The following CCDC28A variants were observed in gnomAD, a reference collection of about 807,000 sequenced individuals.
CCDC28A encodes coiled-coil domain containing 28A.
CCDC28A carries 24 observed loss-of-function variants against 22.1 expected under a neutral mutation model. The ratio of observed to expected loss-of-function variants is 1.09; its 90% CI spans 0.79 to 1.53. The LOEUF is 1.53. Ranked by LOEUF, CCDC28A falls within the 40% of genes most tolerant of loss-of-function variation. CCDC28A has a pLI of 0.00. For synonymous variants in CCDC28A, 83 were observed against 74.7 expected (o/e 1.11, Z -0.57); for missense variants, 170 against 210.7 (o/e 0.81, Z 1.20).
At chr6:138,776,446 T>C (rs1397999413) in intron 2 of CCDC28A, among the ~76,000 whole-genome samples, 168 bp downstream of exon 2, 1 of 152,152 alleles carries the variant, frequency 6.6e-6, no homozygotes, top group Admixed American at 6.5e-5. Flanking sequence ...TGTATAGATA[T>C]TAGAAAATGC....
intron 3 of CCDC28A, among the ~76,000 whole-genome samples, chr6:138,783,152 T>C (rs969770939): frequency 6.6e-6 from 1 of 152,190 alleles, no homozygotes; most frequent in African/African-American, 2.4e-5. Context: ...TATTACATAG[T>C]GTTGCTCATG....
intron 3 of CCDC28A, among the ~76,000 whole-genome samples, chr6:138,781,567 G>A (rs940512531): frequency 3.3e-5 from 5 of 152,126 alleles, no homozygotes; most frequent in Admixed American, 2.6e-4. Context: ...TTGAATTCCC[G>A]CCAAGCAGTA....
chr6:138,775,192 GC>G (rs1369693580), intron 1 of CCDC28A, among the ~76,000 whole-genome samples: 2 of 152,200 alleles, frequency 1.3e-5, no homozygotes, highest in Non-Finnish European at 2.9e-5. Flanking sequence ...GCCCGCCTTG[GC>G]CTTCCAAAGT....
At position 138,781,391 on chromosome 6, in the gene CCDC28A, T is replaced by G. The variant is rs143757899; in HGVS notation, c.322+1406T>G. On this transcript the variant is annotated intron_variant, in intron 3 of 5. Transcript: ENST00000617445. The stretch of plus-strand genomic sequence containing the variant: ...AGTCAACATCTTTTTACACAGATCT[T>G]TAGGCTGGTGCCTCTATTCTTTTGG... Among the ~76,000 whole-genome samples the G allele has an allele frequency of 3.4e-3, 522 of 152,350 alleles. 11 individuals carry two copies. Among genetic ancestry groups the G allele is most frequent in the Admixed American group, 0.032 (497 of 15,304 alleles).
Position 138,773,888 on chromosome 6 carries a change from A to C in CCDC28A, c.-57A>C. 1 of 1,612,806 alleles carries C rather than the reference A, an allele frequency of 6.2e-7. No individual in the cohort carries two copies. Among genetic ancestry groups the C allele is most frequent in the Non-Finnish European group, 8.5e-7 (1 of 1,179,882 alleles). On this transcript the variant is annotated 5_prime_UTR_variant, in exon 1 of 6. Transcript: ENST00000617445. ...GCGGGTTGCGGAAGGGGGCCCCAAT[A>C]CCCTTCTTCTTCAGGTATGTAGTGG...
At chr6:138,792,240 A>G (rs73572785) in intron 5 of CCDC28A, among the ~76,000 whole-genome samples, 5 of 152,264 alleles carry the variant, frequency 3.3e-5, no homozygotes, top group African/African-American at 1.2e-4. Context: ...CATTAAAAAT[A>G]ACTCTGGGCC....
At chr6:138,788,125 T>C (rs1775119956) in intron 4 of CCDC28A, among the ~76,000 whole-genome samples, 1 of 151,462 alleles carries the variant, frequency 6.6e-6, no homozygotes, top group Non-Finnish European at 1.5e-5. Flanking sequence ...CACGCCTGTC[T>C]AATTTTTTTA....
At chr6:138,785,793 CT>C (rs773419334) in intron 4 of CCDC28A, among the ~76,000 whole-genome samples, 4 of 152,006 alleles carry the variant, frequency 2.6e-5, no homozygotes, top group Admixed American at 6.6e-5. Flanking sequence ...AATACAGATG[CT>C]GGCAAATCTG....
intron 3 of CCDC28A, among the ~76,000 whole-genome samples, chr6:138,782,493 C>G (rs888296594): frequency 6.6e-6 from 1 of 151,972 alleles, no homozygotes; most frequent in African/African-American, 2.4e-5. Context: ...TCCTTTTTAG[C>G]CTCTGAAGCT....
chr6:138,792,295 G>A (rs771838539), intron 5 of CCDC28A, among the ~76,000 whole-genome samples: 1 of 152,098 alleles, frequency 6.6e-6, no homozygotes, highest in Non-Finnish European at 1.5e-5. Context: ...TTGGGAGGCC[G>A]AGGCAGGAAG....
In CCDC28A at chr6:138,776,077, A is replaced by G. The variant is rs772892091; in HGVS notation, c.-42-2A>G. ...TATATAATTGCTGTATTCCTTATTT[A>G]GGTCTTAAGAAGCTGGCCGTGGTGC... On this transcript the variant is annotated splice_acceptor_variant, in intron 1 of 5. Coordinates refer to ENST00000617445, the MANE Select transcript of CCDC28A (RefSeq NM_015439.3). LOFTEE classifies it low-confidence loss of function (5UTR_SPLICE). 29 of 1,611,422 alleles carry G rather than the reference A, an allele frequency of 1.8e-5. No homozygotes were observed. The highest frequency in any genetic ancestry group is 2.4e-5 in the Non-Finnish European group (28 of 1,177,608).
At chr6:138,778,495 C>T (rs1412339153) in intron 2 of CCDC28A, among the ~76,000 whole-genome samples, 1 of 152,102 alleles carries the variant, frequency 6.6e-6, no homozygotes, top group East Asian at 1.9e-4. Context: ...ATATGCCAGA[C>T]ATGTGTAATA....
intron 2 of CCDC28A, among the ~76,000 whole-genome samples, chr6:138,776,830 T>A (rs1438968629): frequency 6.6e-6 from 1 of 151,980 alleles, no homozygotes. Flanking sequence ...CAGTTTTTAT[T>A]TCTAAAAAAT....
At chr6:138,784,353 C>CTTTTTT (rs10689868) in intron 3 of CCDC28A, among the ~76,000 whole-genome samples, 2 of 140,240 alleles carry the variant, frequency 1.4e-5, no homozygotes, top group African/African-American at 2.7e-5. Flanking sequence ...TTCTCTTTTT[C>CTTTTTT]TTTTTTTTTT....
At chr6:138,784,697 C>A (rs899787058) in intron 3 of CCDC28A, among the ~76,000 whole-genome samples, 1 of 147,858 alleles carries the variant, frequency 6.8e-6, no homozygotes, top group Non-Finnish European at 1.5e-5. Flanking sequence ...TTCCTATATG[C>A]TCTTTTTTTT....
At chr6:138,784,889 T>A (rs530962739) in intron 3 of CCDC28A, among the ~76,000 whole-genome samples, 1 of 152,242 alleles carries the variant, frequency 6.6e-6, no homozygotes, top group South Asian at 2.1e-4. Flanking sequence ...AGACTAGGTT[T>A]CACCATGTTG....
At chr6:138,783,435 ATTTT>A (rs564949933) in intron 3 of CCDC28A, among the ~76,000 whole-genome samples, 51 of 119,072 alleles carry the variant, frequency 4.3e-4, no homozygotes, top group Admixed American at 7.1e-4. Context: ...CACCCAGCTA[ATTTT>A]TTTTTTTTTT....
rs766471236 is a variant in CCDC28A, at chr6:138,776,267, A to G, written c.147A>G (p.Pro49=). Residue 49 remains proline (P), a synonymous_variant, in exon 2 of 6, where the codon CCA becomes CCG. Coordinates refer to ENST00000617445, the MANE Select transcript of CCDC28A (RefSeq NM_015439.3). ...NPASQSTSQR[P]KLKRVMKEKT... ...CATCACAGTCAACTTCACAGCGACC[A>G]AAGTTAAAAAGGTGAATTCTTTTAT... 3 of 1,612,564 alleles carry G rather than the reference A, an allele frequency of 1.9e-6. No homozygotes were observed. In the East Asian group the frequency reaches 6.7e-5, roughly 36 times the overall value.
intron 1 of CCDC28A, 36 bp from the exon 2 acceptor site, chr6:138,776,043 T>C: frequency 6.7e-7 from 1 of 1,500,628 alleles, no homozygotes; most frequent in Non-Finnish European, 9.3e-7. Context: ...TTGCATATTA[T>C]AGCATACATA....
Sources: gnomAD v4.1 joint callset for allele counts (sites outside exome capture counted in the v4.1 genomes callset) on GRCh38, gnomAD v4.1.1 for gene constraint, MANE v1.5 for transcripts, NCBI Gene and HGNC (gene_info 2026-07-23, HGNC 2026-07-21) for gene names.